SLC24A3: variants seen among roughly 807,000 people sequenced by gnomAD.
The protein encoded by SLC24A3 is solute carrier family 24 member 3.
SLC24A3 carries 28 observed loss-of-function variants against 75.8 expected under a neutral mutation model. That is an observed-to-expected ratio of 0.37 (90% CI 0.27 to 0.51). SLC24A3 has a LOEUF of 0.51. Among genes scored for constraint, SLC24A3 ranks in the 20% least tolerant of loss-of-function variants. The pLI, the probability that SLC24A3 is intolerant of heterozygous loss-of-function variation, is 0.94. For missense variants in SLC24A3, 663 were observed against 847.8 expected, an observed-to-expected ratio of 0.78 and a Z score of 2.71; for synonymous variants, 372 against 334.1, an observed-to-expected ratio of 1.11 and a Z score of -1.24.
chr20:19,231,258 T>G (rs1251913315), intron 1 of SLC24A3, among the ~76,000 whole-genome samples: 1 of 152,138 alleles, frequency 6.6e-6, no homozygotes, highest in African/African-American at 2.4e-5. Flanking sequence ...GCTACCCCAG[T>G]GTGGTTTGCA....
At chr20:19,350,574 G>A (rs987786268) in intron 2 of SLC24A3, among the ~76,000 whole-genome samples, 3 of 152,206 alleles carry the variant, frequency 2.0e-5, no homozygotes, top group African/African-American at 7.2e-5. Context: ...GACATCAATA[G>A]TCAATTGTAG....
intron 3 of SLC24A3, among the ~76,000 whole-genome samples, chr20:19,533,162 A>G (rs1230221356): frequency 1.3e-5 from 2 of 152,220 alleles, no homozygotes; most frequent in African/African-American, 4.8e-5. Context: ...TCTCTCATGC[A>G]CTTGCAGTCA....
chr20:19,662,688 T>C (rs1418815297), intron 7 of SLC24A3, among the ~76,000 whole-genome samples: 2 of 152,256 alleles, frequency 1.3e-5, no homozygotes, highest in Non-Finnish European at 2.9e-5. Context: ...GGATGGGGGA[T>C]GTTGCTTTGA....
intron 6 of SLC24A3, among the ~76,000 whole-genome samples, chr20:19,646,791 T>C (rs2032142934): frequency 6.6e-6 from 1 of 152,146 alleles, no homozygotes; most frequent in South Asian, 2.1e-4. Flanking sequence ...GTGCCTGCTT[T>C]TGAGTCTTAT....
At chr20:19,699,228 T>C (rs1279433037) in intron 15 of SLC24A3, among the ~76,000 whole-genome samples, 1 of 152,266 alleles carries the variant, frequency 6.6e-6, no homozygotes, top group Non-Finnish European at 1.5e-5. Flanking sequence ...TAGACTTGCT[T>C]CACCTTATTA....
chr20:19,538,380 T>C (rs2030437670), intron 3 of SLC24A3, among the ~76,000 whole-genome samples: 1 of 152,188 alleles, frequency 6.6e-6, no homozygotes, highest in African/African-American at 2.4e-5. Context: ...CAATAAAGGA[T>C]GTGTATCCAG....
chr20:19,641,212 AG>A (rs567683942), intron 6 of SLC24A3, among the ~76,000 whole-genome samples: 45 of 152,242 alleles, frequency 3.0e-4, no homozygotes, highest in African/African-American at 1.1e-3. Context: ...CTACTAAGGA[AG>A]CCCTGGCCTC....
intron 15 of SLC24A3, among the ~76,000 whole-genome samples, chr20:19,710,084 A>G (rs1178545017): frequency 6.6e-6 from 1 of 152,222 alleles, no homozygotes; most frequent in Admixed American, 6.5e-5. Context: ...CTACACCCAA[A>G]CAAGTGTAAA....
chr20:19,584,437 G>A (rs967989729), intron 4 of SLC24A3, among the ~76,000 whole-genome samples: 1 of 152,186 alleles, frequency 6.6e-6, no homozygotes, highest in Non-Finnish European at 1.5e-5. Flanking sequence ...TTTAGCCTGA[G>A]ATCAGCATAG....
In SLC24A3 at chr20:19,592,721, G is replaced by A. The variant is rs910110394; in HGVS notation, c.612+7177G>A. Among the ~76,000 whole-genome samples the A allele has an allele frequency of 4.6e-5, 7 of 151,228 alleles. No homozygotes were observed. In the South Asian group the frequency reaches 6.3e-4, roughly 14 times the overall value. On this transcript the variant is annotated intron_variant, in intron 6 of 16. Transcript: ENST00000328041. ...GAAACTCACTTCCAAGGAGCACCAT[G>A]AAAATTACTGGAAGGAATATTCACC...
At chr20:19,692,463 G>T (rs899605996) in intron 12 of SLC24A3, among the ~76,000 whole-genome samples, 13 of 152,310 alleles carry the variant, frequency 8.5e-5, no homozygotes, top group Non-Finnish European at 1.9e-4. Context: ...AATGGATCAC[G>T]CAACATGAAT....
chr20:19,323,339 G>A (rs1984759723), intron 2 of SLC24A3, among the ~76,000 whole-genome samples: 1 of 152,158 alleles, frequency 6.6e-6, no homozygotes, highest in South Asian at 2.1e-4. Flanking sequence ...ACTAGCGGAG[G>A]TTAGAGTGTG....
chr20:19,548,981 A>G (rs541987556), intron 3 of SLC24A3, among the ~76,000 whole-genome samples: 1 of 152,352 alleles, frequency 6.6e-6, no homozygotes, highest in Non-Finnish European at 1.5e-5. Flanking sequence ...AGAGCCAACC[A>G]AGGGCATAGA....
At chr20:19,705,499 G>C (rs1180882956) in intron 15 of SLC24A3, among the ~76,000 whole-genome samples, 1 of 152,190 alleles carries the variant, frequency 6.6e-6, no homozygotes, top group East Asian at 1.9e-4. Flanking sequence ...TTATTTGCTT[G>C]AGAGCATTTT....
chr20:19,647,152 C>G (rs1031974886), intron 6 of SLC24A3, among the ~76,000 whole-genome samples: 5 of 152,134 alleles, frequency 3.3e-5, no homozygotes, highest in Non-Finnish European at 7.3e-5. Context: ...GCTCCCTCTC[C>G]TCTCAGAGGC....
chr20:19,507,391 G>A (rs6106092), intron 2 of SLC24A3, among the ~76,000 whole-genome samples: 2,805 of 152,344 alleles, frequency 0.018, 74 homozygotes, highest in African/African-American at 0.064. Flanking sequence ...ATGCTGGGTA[G>A]CAAACAGCCC....
At chr20:19,310,847 A>C (rs752253468) in intron 2 of SLC24A3, among the ~76,000 whole-genome samples, 1 of 152,230 alleles carries the variant, frequency 6.6e-6, no homozygotes, top group Non-Finnish European at 1.5e-5. Flanking sequence ...GGAAAGGTCT[A>C]AAGACAAGCT....
chr20:19,320,827 CTG>C (rs1215226341), intron 2 of SLC24A3, among the ~76,000 whole-genome samples: 1 of 152,032 alleles, frequency 6.6e-6, no homozygotes, highest in Admixed American at 6.5e-5. Flanking sequence ...AGAAAACAGT[CTG>C]TACATGTTCA....
intron 2 of SLC24A3, among the ~76,000 whole-genome samples, chr20:19,325,702 T>G (rs1984822603): frequency 6.7e-6 from 1 of 148,780 alleles, no homozygotes; most frequent in Non-Finnish European, 1.5e-5. Context: ...TTTTGGATTT[T>G]GGAATATTTG....
Sources: allele counts gnomAD v4.1 joint callset (sites outside exome capture counted in the v4.1 genomes callset), GRCh38; gene constraint gnomAD v4.1.1; transcripts MANE v1.5; gene names NCBI Gene and HGNC (gene_info 2026-07-23, HGNC 2026-07-21).